The following PPP4R1 variants were observed in gnomAD, a reference collection of about 807,000 sequenced individuals.
The protein encoded by PPP4R1 is serine/threonine-protein phosphatase 4 regulatory subunit 1.
A neutral mutation model predicts 111.2 loss-of-function variants in PPP4R1; 42 were observed. That is an observed-to-expected ratio of 0.38 (90% CI 0.29 to 0.49). The LOEUF is 0.49. Among genes scored for constraint, PPP4R1 ranks in the 20% least tolerant of loss-of-function variants. PPP4R1 has a pLI of 0.97. For missense variants in PPP4R1, 1,012 were observed against 1,161.6 expected, an observed-to-expected ratio of 0.87 and a Z score of 1.87; for synonymous variants, 409 against 405.5, an observed-to-expected ratio of 1.01 and a Z score of -0.10.
intron 2 of PPP4R1, among the ~76,000 whole-genome samples, chr18:9,601,665 G>A (rs1259201022): frequency 1.3e-5 from 2 of 152,146 alleles, no homozygotes; most frequent in African/African-American, 4.8e-5. Context: ...GCTAATTTTT[G>A]TATTTTTAGA....
upstream of PPP4R1, chr18:9,614,843 C>G (rs1049860454): frequency 1.3e-5 from 2 of 149,838 alleles, no homozygotes; most frequent in African/African-American, 4.9e-5. The surrounding 1 kb of genome is among the most constrained non-coding windows in gnomAD (Gnocchi z 4.1). Flanking sequence ...GACGGGGGCG[C>G]GCAACCTGCC....
In PPP4R1 at chr18:9,588,763, G is replaced by C; in HGVS notation, c.386C>G (p.Ser129Ter). The change falls in exon 5 of 20, where the codon TCA becomes TGA. Residue 129 changes from serine to a stop codon, truncating the protein, a stop_gained. Transcript: ENST00000400556. LOFTEE classifies it high-confidence loss of function. Reference protein sequence around the residue: ...ENRPSIPYAFSKFLLPIVVRY... With the variant: ...ENRPSIPYAF ...AACCACAATAGGTAGTAAGAATTTT[G>C]AAAAAGCATATGGTATTGAAGGCCG... 6.2e-7 allele frequency: 1 copy of C among 1,613,754 alleles called. No homozygotes were observed. Among genetic ancestry groups the C allele is most frequent in the Non-Finnish European group, 8.5e-7 (1 of 1,179,738 alleles).
At chr18:9,556,744 C>G (rs2145016002) in intron 15 of PPP4R1, among the ~76,000 whole-genome samples, 1 of 152,186 alleles carries the variant, frequency 6.6e-6, no homozygotes, top group East Asian at 1.9e-4. Context: ...TGACTTTCAA[C>G]AACAGGGGTT....
chr18:9,575,923 G>T (rs1266486321), intron 10 of PPP4R1, among the ~76,000 whole-genome samples: 1 of 152,184 alleles, frequency 6.6e-6, no homozygotes, highest in South Asian at 2.1e-4. Flanking sequence ...AATTTTTTAA[G>T]TATGCTGATT....
chr18:9,614,273 G>A lies in PPP4R1; in HGVS notation c.8-3C>T. On this transcript the variant is annotated splice_region_variant and splice_polypyrimidine_tract_variant and intron_variant, in intron 1 of 19. Transcript: ENST00000400556. The surrounding 1 kb of genome is among the most constrained non-coding windows in gnomAD (Gnocchi z 4.1). ...GTCCTCCTGAAGCAGCGAGAGGTCT[G>A]CGCCGAGGGGAGAGAAGAAAGGCCC... 1 of 1,322,122 alleles carries A rather than the reference G, an allele frequency of 7.6e-7. No individual in the cohort carries two copies. Among genetic ancestry groups the A allele is most frequent in the Non-Finnish European group, 9.8e-7 (1 of 1,023,398 alleles). 81.9% of individuals were successfully genotyped at this position (1,322,122 alleles called of 1,614,324 possible).
At chr18:9,574,866 A>C (rs2066913999) in intron 10 of PPP4R1, among the ~76,000 whole-genome samples, 1 of 152,260 alleles carries the variant, frequency 6.6e-6, no homozygotes, top group Non-Finnish European at 1.5e-5. Flanking sequence ...AAGTACAAAA[A>C]CAGGGAGAAT....
intron 10 of PPP4R1, among the ~76,000 whole-genome samples, chr18:9,575,217 G>A (rs1230105787): frequency 6.6e-6 from 1 of 152,232 alleles, no homozygotes; most frequent in Non-Finnish European, 1.5e-5. Context: ...GAAACTGAGA[G>A]AACTTTGAGG....
In PPP4R1 at chr18:9,547,960, T is replaced by G; in HGVS notation, c.2690-8A>C. ...CAGAGGCCAAGAAATAGTCTGGAAA[T>G]GACATGTGCATAGGACAGATGAAAC... On this transcript the variant is annotated splice_polypyrimidine_tract_variant and splice_region_variant and intron_variant, in intron 19 of 19. Transcript: ENST00000400556. 5 of 1,613,616 alleles carry G rather than the reference T, an allele frequency of 3.1e-6. No homozygotes were observed. The South Asian group carries it at 4.4e-5, about 14-fold the overall frequency.
intron 10 of PPP4R1, among the ~76,000 whole-genome samples, chr18:9,572,027 A>G (rs1000585641): frequency 6.6e-6 from 1 of 152,240 alleles, no homozygotes; most frequent in African/African-American, 2.4e-5. Context: ...AGGACTACAG[A>G]AGAACACATT....
At chr18:9,586,399 T>C (rs1340843469) in intron 6 of PPP4R1, among the ~76,000 whole-genome samples, 1 of 152,116 alleles carries the variant, frequency 6.6e-6, no homozygotes, top group South Asian at 2.1e-4. Context: ...ATTTCCTTCA[T>C]TGCAAAAATC....
intron 2 of PPP4R1, among the ~76,000 whole-genome samples, chr18:9,600,205 A>G (rs2067358006): frequency 6.6e-6 from 1 of 151,386 alleles, no homozygotes; most frequent in Non-Finnish European, 1.5e-5. Context: ...CCAAAAAAAA[A>G]AAAAAAAAAA....
chr18:9,579,162 A>G (rs1221718303), intron 9 of PPP4R1, among the ~76,000 whole-genome samples: 1 of 152,200 alleles, frequency 6.6e-6, no homozygotes, highest in African/African-American at 2.4e-5. Flanking sequence ...TAACTCTCCA[A>G]CACATCCCAC....
In PPP4R1 at chr18:9,550,078, G is replaced by A; in HGVS notation, c.2521C>T (p.Arg841Trp). Residue 841 changes from arginine to tryptophan, a missense_variant, in exon 18 of 20, where the codon CGG becomes TGG. Transcript: ENST00000400556. The part of the protein sequence containing the change: ...NFGRCPKWSG[R>W]QAFVFVCQTV... ...TGGCAGACAAAGACAAAGGCTTGCCGACCAGACCACTTGGGACATCTGCCA... is the reference window on the plus strand; with the variant it reads ...TGGCAGACAAAGACAAAGGCTTGCCAACCAGACCACTTGGGACATCTGCCA... 1 of 1,614,160 alleles carries A rather than the reference G, an allele frequency of 6.2e-7. No individual in the cohort carries two copies. Among genetic ancestry groups the A allele is most frequent in the Non-Finnish European group, 8.5e-7 (1 of 1,180,034 alleles).
At chr18:9,572,048 CA>C (rs1372777644) in intron 10 of PPP4R1, among the ~76,000 whole-genome samples, 8 of 152,136 alleles carry the variant, frequency 5.3e-5, no homozygotes, top group African/African-American at 1.9e-4. Flanking sequence ...CAAACAGCAG[CA>C]AAAATCAACA....
At chr18:9,581,927 C>T (rs1244415058) in intron 9 of PPP4R1, among the ~76,000 whole-genome samples, 2 of 152,118 alleles carry the variant, frequency 1.3e-5, no homozygotes, top group Non-Finnish European at 2.9e-5. Flanking sequence ...GCATAACACA[C>T]TCAATCTCAC....
intron 12 of PPP4R1, among the ~76,000 whole-genome samples, chr18:9,562,321 A>C (rs2066691785): frequency 6.6e-6 from 1 of 152,236 alleles, no homozygotes; most frequent in Non-Finnish European, 1.5e-5. Flanking sequence ...AATATTTGAA[A>C]GTAATTTTGA....
chr18:9,550,020 TCA>T, intron 18 of PPP4R1, 30 bp downstream of exon 18: 1 of 1,613,604 alleles, frequency 6.2e-7, no homozygotes, highest in Non-Finnish European at 8.5e-7. Flanking sequence ...GGAGAAAAAC[TCA>T]CAAACAGGTA....
intron 12 of PPP4R1, chr18:9,562,811 C>T: frequency 1.1e-6 from 1 of 938,376 alleles, no homozygotes; most frequent in Non-Finnish European, 1.3e-6. Flanking sequence ...GGCTAAGCAG[C>T]ACTGATACCA....
chr18:9,587,024 T>C (rs1327900659), intron 6 of PPP4R1, among the ~76,000 whole-genome samples: 3 of 152,154 alleles, frequency 2.0e-5, no homozygotes, highest in African/African-American at 7.2e-5. Flanking sequence ...ATGTCATATA[T>C]CCTGGGAAAT....
Sources: gnomAD v4.1 joint callset for allele counts (sites outside exome capture counted in the v4.1 genomes callset) on GRCh38, gnomAD v4.1.1 for gene constraint, Gnocchi (gnomAD v3.1) non-coding constraint, MANE v1.5 for transcripts, NCBI Gene and HGNC (gene_info 2026-07-23, HGNC 2026-07-21) for gene names.